The following ASTN2 variants were observed in gnomAD, a reference collection of about 807,000 sequenced individuals.
ASTN2 encodes astrotactin 2.
A neutral mutation model predicts 139.8 loss-of-function variants in ASTN2; 54 were observed. That is an observed-to-expected ratio of 0.39 (90% CI 0.31 to 0.48). The LOEUF is 0.48. Among genes scored for constraint, ASTN2 ranks in the 20% least tolerant of loss-of-function variants. The pLI, the probability that ASTN2 is intolerant of heterozygous loss-of-function variation, is 0.95. For synonymous variants in ASTN2, 756 were observed against 719.5 expected, an observed-to-expected ratio of 1.05 and a Z score of -0.81; for missense variants, 1,565 against 1,725.1, an observed-to-expected ratio of 0.91 and a Z score of 1.64.
Position 116,904,111 on chromosome 9 carries a change from T to C in ASTN2, c.1890-40378A>G, listed in dbSNP as rs557220030. Among the ~76,000 whole-genome samples the C allele has an allele frequency of 5.9e-5, 9 of 152,334 alleles. No homozygotes were observed. In the South Asian group the frequency reaches 1.2e-3, roughly 21 times the overall value. The stretch of plus-strand genomic sequence containing the variant: ...ATCATGTCAGAATGTGAGTGTTGTA[T>C]GTCCCTCTCATTCAACTGCACATGG... On this transcript the variant is annotated intron_variant, in intron 10 of 22. Transcript: ENST00000313400.
At chr9:116,636,506 C>T (rs1857080461) in intron 17 of ASTN2, among the ~76,000 whole-genome samples, 1 of 152,078 alleles carries the variant, frequency 6.6e-6, no homozygotes, top group South Asian at 2.1e-4. Context: ...GAAACCCCAT[C>T]TCTATTAAAA....
At chr9:116,534,936 G>T (rs1372500377) in intron 19 of ASTN2, among the ~76,000 whole-genome samples, 1 of 152,158 alleles carries the variant, frequency 6.6e-6, no homozygotes, top group Non-Finnish European at 1.5e-5. Flanking sequence ...CTGTCTCATT[G>T]ATCTGTCTAA....
chr9:117,410,306 G>A (rs1831125496), intron 1 of ASTN2, among the ~76,000 whole-genome samples: 1 of 152,092 alleles, frequency 6.6e-6, no homozygotes, highest in South Asian at 2.1e-4. Flanking sequence ...AGGTAAGTGA[G>A]GACTGAATGA....
At chr9:116,711,255 AC>A (rs1180050748) in intron 16 of ASTN2, among the ~76,000 whole-genome samples, 5 of 152,216 alleles carry the variant, frequency 3.3e-5, no homozygotes, top group Non-Finnish European at 7.3e-5. Flanking sequence ...TTTAATATGT[AC>A]TACAACTACT....
chr9:117,027,870 ACT>A (rs1310877324), intron 6 of ASTN2, among the ~76,000 whole-genome samples: 1 of 151,894 alleles, frequency 6.6e-6, no homozygotes, highest in Admixed American at 6.6e-5. Flanking sequence ...TTGTTATGCC[ACT>A]CTCTATTTCA....
chr9:116,459,060 T>TGG lies in ASTN2; in HGVS notation c.3498-16508_3498-16507insCC, dbSNP rs555168206. On this transcript the variant is annotated intron_variant, in intron 20 of 22. Coordinates refer to ENST00000313400, the MANE Select transcript of ASTN2 (RefSeq NM_001365068.1). Reference sequence around the variant, plus strand: ...TGAGACACCAGTATGAGGACAGATGTAGATCAATGAAATAAAATTGACAGC... The same window carrying TGG: ...TGAGACACCAGTATGAGGACAGATGTGGAGATCAATGAAATAAAATTGACAGC... 5.9e-5 allele frequency among the ~76,000 whole-genome samples: 9 copies of TGG among 152,182 alleles called. No individual in the cohort carries two copies. The South Asian group carries it at 1.7e-3, about 28-fold the overall frequency.
At position 117,160,890 on chromosome 9, in the gene ASTN2, A is replaced by G. The variant is rs186686341; in HGVS notation, c.1016-19412T>C. On this transcript the variant is annotated intron_variant, in intron 3 of 22. Coordinates refer to ENST00000313400, the MANE Select transcript of ASTN2 (RefSeq NM_001365068.1). The stretch of plus-strand genomic sequence containing the variant: ...TGGGATGATGAAGATCATAATGGGA[A>G]GAGATGGTGATTTCATGTTGGTACT... 2.6e-4 allele frequency among the ~76,000 whole-genome samples: 40 copies of G among 152,136 alleles called. No individual in the cohort carries two copies. In the East Asian group the frequency reaches 7.6e-3, roughly 29 times the overall value.
At chr9:116,445,275 T>C (rs1473398503) in intron 20 of ASTN2, among the ~76,000 whole-genome samples, 8 of 152,170 alleles carry the variant, frequency 5.3e-5, no homozygotes, top group Admixed American at 5.2e-4. Context: ...AAGGATTACA[T>C]GGAGTGATGC....
chr9:116,839,878 ATTATTTTTTTTTTT>A (rs1832148765), intron 11 of ASTN2, among the ~76,000 whole-genome samples: 7 of 104,774 alleles, frequency 6.7e-5, no homozygotes, highest in South Asian at 5.7e-4. Flanking sequence ...TATTATTATT[ATTATTTTTTTTTTT>A]TTAATTGATC....
chr9:116,998,519 C>T (rs1282417994), intron 7 of ASTN2, among the ~76,000 whole-genome samples: 1 of 144,554 alleles, frequency 6.9e-6, no homozygotes, highest in Non-Finnish European at 1.5e-5. Flanking sequence ...TTGAACAAGC[C>T]TTGACACTTT....
At chr9:116,628,136 C>T (rs1350731714) in intron 17 of ASTN2, among the ~76,000 whole-genome samples, 1 of 152,160 alleles carries the variant, frequency 6.6e-6, no homozygotes, top group East Asian at 1.9e-4. Flanking sequence ...TTTCACTGTA[C>T]AAATGAGAAT....
chr9:117,087,393 T>C (rs1256630598), intron 5 of ASTN2, among the ~76,000 whole-genome samples: 1 of 151,998 alleles, frequency 6.6e-6, no homozygotes, highest in African/African-American at 2.4e-5. Context: ...TGCCACTACA[T>C]CTGGCTAATT....
In ASTN2 at chr9:116,697,817, G is replaced by C. The variant is rs1262596490; in HGVS notation, c.2806+27954C>G. 5 of 1,614,160 alleles carry C rather than the reference G, an allele frequency of 3.1e-6. No individual in the cohort carries two copies. ...TGCTAGAATGCCCCATCTGCATGGA[G>C]TCCTTCACAGAAGAGCAGCTGCGTC... On this transcript the variant is annotated intron_variant, in intron 16 of 22. Coordinates refer to ENST00000313400, the MANE Select transcript of ASTN2 (RefSeq NM_001365068.1).
At chr9:116,536,433 T>C (rs1564352049) in intron 19 of ASTN2, among the ~76,000 whole-genome samples, 1 of 152,212 alleles carries the variant, frequency 6.6e-6, no homozygotes, top group South Asian at 2.1e-4. Flanking sequence ...AGAGGTGCTC[T>C]GATTTTTAGA....
At chr9:116,873,438 G>T (rs1391513792) in intron 10 of ASTN2, among the ~76,000 whole-genome samples, 1 of 152,196 alleles carries the variant, frequency 6.6e-6, no homozygotes, top group African/African-American at 2.4e-5. Context: ...AATGCATACT[G>T]AGGAGGCATG....
At chr9:116,913,198 C>T (rs1564337900) in intron 10 of ASTN2, among the ~76,000 whole-genome samples, 1 of 152,202 alleles carries the variant, frequency 6.6e-6, no homozygotes, top group Non-Finnish European at 1.5e-5. Context: ...GCAACCACAC[C>T]TGGCCTTATC....
At chr9:116,603,553 A>G (rs1437531795) in intron 19 of ASTN2, among the ~76,000 whole-genome samples, 1 of 152,212 alleles carries the variant, frequency 6.6e-6, no homozygotes, top group African/African-American at 2.4e-5. Flanking sequence ...CCAGATGAAG[A>G]GAAAGCTGCA....
Position 116,699,468 on chromosome 9 carries a change from C to T in ASTN2, c.2806+26303G>A, listed in dbSNP as rs747829781. 11 of 1,614,184 alleles carry T rather than the reference C, an allele frequency of 6.8e-6. No homozygotes were observed. The highest frequency in any genetic ancestry group is 2.2e-5 in the South Asian group (2 of 91,072). On this transcript the variant is annotated intron_variant, in intron 16 of 22. Coordinates refer to ENST00000313400, the MANE Select transcript of ASTN2 (RefSeq NM_001365068.1). This position sits in a 1 kb window ranked among gnomAD's most constrained non-coding sequence, Gnocchi z 4.2. ...CTTCTTCTCGGAGAATGAGGATTTC[C>T]GCTGCATTGCTGGCATGTGTGTGGA...
intron 10 of ASTN2, among the ~76,000 whole-genome samples, chr9:116,959,679 C>A (rs1218678609): frequency 1.3e-5 from 2 of 152,094 alleles, no homozygotes; most frequent in South Asian, 2.1e-4. Flanking sequence ...CCAGGCAGAT[C>A]CATTGCAAGC....
Sources: allele counts gnomAD v4.1 joint callset (sites outside exome capture counted in the v4.1 genomes callset), GRCh38; gene constraint gnomAD v4.1.1; non-coding constraint Gnocchi (gnomAD v3.1); transcripts MANE v1.5; gene names NCBI Gene and HGNC (gene_info 2026-07-23, HGNC 2026-07-21).